Variants in GSS observed in about 807,000 individuals in gnomAD.
GSS encodes the protein glutathione synthetase, also known as GSH synthetase.
Under a neutral mutation model 60.4 loss-of-function variants are expected in GSS, and 34 were observed. The ratio of observed to expected loss-of-function variants is 0.56; its 90% CI spans 0.43 to 0.75. GSS has a LOEUF of 0.75. Among genes scored for constraint, GSS ranks in the 30% least tolerant of loss-of-function variants. GSS has a pLI of 0.00. For synonymous variants in GSS, 224 were observed against 239.0 expected, an observed-to-expected ratio of 0.94 and a Z score of 0.58; for missense variants, 499 against 595.1, an observed-to-expected ratio of 0.84 and a Z score of 1.68.
At chr20:34,937,891 CCT>C (rs2081452429) in intron 6 of GSS, among the ~76,000 whole-genome samples, 2 of 152,066 alleles carry the variant, frequency 1.3e-5, no homozygotes, top group South Asian at 2.1e-4. Context: ...GGAGTCTCCC[CCT>C]GTTGCCCAGG....
chr20:34,931,635 G>A, intron 10 of GSS: 1 of 642,366 alleles, frequency 1.6e-6, no homozygotes. Context: ...CAACAGCTCA[G>A]GGCTCTGCAG....
At chr20:34,944,683 A>C (rs1166232752) in intron 3 of GSS, among the ~76,000 whole-genome samples, 1 of 152,192 alleles carries the variant, frequency 6.6e-6, no homozygotes, top group Non-Finnish European at 1.5e-5. Context: ...TGGGGATGGG[A>C]CTCAAGTCTA....
In GSS at chr20:34,929,476, C is replaced by A. The variant is rs755714020; in HGVS notation, c.1226G>T (p.Cys409Phe). 8 of 1,614,166 alleles carry A rather than the reference C, an allele frequency of 5.0e-6. No individual in the cohort carries two copies. In the Middle Eastern group the frequency reaches 8.2e-4, roughly 166 times the overall value. ...EKIEPEPFEN[C>F]LLRPGSPARV... ...GGCAGGGCTGCCAGGCCGTAGCAGGCAATTCTCAAAAGGCTCAGGTTCGAT... is the reference window on the plus strand; with the variant it reads ...GGCAGGGCTGCCAGGCCGTAGCAGGAAATTCTCAAAAGGCTCAGGTTCGAT... Residue 409 changes from cysteine to phenylalanine, a missense_variant, in exon 12 of 13, where the codon TGC becomes TTC. Coordinates refer to ENST00000651619, the MANE Select transcript of GSS (RefSeq NM_000178.4).
intron 4 of GSS, 94 bp downstream of exon 4, chr20:34,942,837 C>T (rs768200039): frequency 4.0e-6 from 4 of 991,836 alleles, no homozygotes; most frequent in African/African-American, 1.6e-5. Flanking sequence ...TTCCCATGAG[C>T]TGAGGGCCTG....
chr20:34,945,873 G>T, intron 3 of GSS, 80 bp downstream of exon 3: 3 of 1,469,166 alleles, frequency 2.0e-6, no homozygotes, highest in Non-Finnish European at 2.9e-6. Context: ...AGCTGACACA[G>T]TAACACCTCA....
At chr20:34,932,157 GA>G (rs1569009667) in intron 9 of GSS, 24 bp from the exon 10 acceptor site, 1 of 1,587,572 alleles carries the variant, frequency 6.3e-7, no homozygotes, top group Admixed American at 1.7e-5. Flanking sequence ...AAGACAAAAG[GA>G]ATTCGACTTT....
intron 2 of GSS, among the ~76,000 whole-genome samples, chr20:34,948,602 G>T (rs1426648952): frequency 6.6e-6 from 1 of 152,044 alleles, no homozygotes; most frequent in East Asian, 1.9e-4. Flanking sequence ...TGGCCAACAT[G>T]GTGAAACCCC....
chr20:34,945,083 T>C (rs6060121), intron 3 of GSS, among the ~76,000 whole-genome samples: 97 of 151,818 alleles, frequency 6.4e-4, no homozygotes, highest in African/African-American at 2.2e-3. Flanking sequence ...TACAGTGTCG[T>C]GATCTTGGCT....
chr20:34,929,613 C>T, intron 11 of GSS, 23 bp from the exon 12 acceptor site: 1 of 1,605,124 alleles, frequency 6.2e-7, no homozygotes, highest in South Asian at 1.1e-5. Flanking sequence ...TGGCCAGTCA[C>T]CCTGGACCCT....
At chr20:34,949,348 T>A (rs935244021) in intron 2 of GSS, 2 of 152,076 alleles carry the variant, frequency 1.3e-5, no homozygotes, top group African/African-American at 4.8e-5. Context: ...GCCCCGCGGC[T>A]GTCTGACGCT....
At chr20:34,930,167 G>A (rs2081389517) in intron 11 of GSS, among the ~76,000 whole-genome samples, 1 of 151,744 alleles carries the variant, frequency 6.6e-6, no homozygotes, top group Non-Finnish European at 1.5e-5. Flanking sequence ...TCAGGAGGCT[G>A]AGGCAGGAGA....
rs919208415 is a variant in GSS at position 34,942,919 on chromosome 20, G to A, written c.351+12C>T. ...ACAGGTTACAGACTGGAGTAGGGCT[G>A]GGAATGGTTACCTGGGCAATGCCCT... On this transcript the variant is annotated intron_variant, in intron 4 of 12. Transcript: ENST00000651619. 4.5e-6 allele frequency: 7 copies of A among 1,567,804 alleles called. No individual in the cohort carries two copies. The highest frequency in any genetic ancestry group is 6.1e-6 in the Non-Finnish European group (7 of 1,140,058).
At chr20:34,929,770 T>C (rs868658773) in intron 11 of GSS, among the ~76,000 whole-genome samples, 180 bp from the exon 12 acceptor site, 9 of 152,176 alleles carry the variant, frequency 5.9e-5, no homozygotes, top group African/African-American at 1.9e-4. Flanking sequence ...CCCTTACTCA[T>C]GCAGTGAACA....
chr20:34,947,817 T>C (rs2081534552), intron 2 of GSS, among the ~76,000 whole-genome samples: 1 of 152,156 alleles, frequency 6.6e-6, no homozygotes, highest in Non-Finnish European at 1.5e-5. Context: ...TATCCTAGAA[T>C]ATACATTCTA....
intron 6 of GSS, among the ~76,000 whole-genome samples, chr20:34,938,292 ATC>A (rs946216526): frequency 6.6e-5 from 10 of 152,086 alleles, no homozygotes; most frequent in African/African-American, 2.2e-4. Context: ...TCTCTTGTCT[ATC>A]TCTGCTTCTC....
At chr20:34,937,954 T>C (rs753342705) in intron 6 of GSS, among the ~76,000 whole-genome samples, 6 of 152,106 alleles carry the variant, frequency 3.9e-5, no homozygotes, top group Non-Finnish European at 8.8e-5. Flanking sequence ...ACCCCCTGGG[T>C]TCCAGCGATT....
At chr20:34,951,943 A>C in intron 1 of GSS, 83 bp from the exon 2 acceptor site, 2 of 1,385,372 alleles carry the variant, frequency 1.4e-6, no homozygotes, top group Non-Finnish European at 2.0e-6. Context: ...GCCACCCCCA[A>C]CACAGCAGGA....
intron 12 of GSS, 144 bp from the exon 13 acceptor site, chr20:34,929,095 G>A (rs559045580): frequency 3.1e-5 from 30 of 972,802 alleles, no homozygotes; most frequent in Non-Finnish European, 4.4e-5. Flanking sequence ...CCTCTCTGGA[G>A]TCTCCTTCTA....
intron 2 of GSS, chr20:34,949,813 G>C (rs756826480): frequency 6.6e-6 from 1 of 152,096 alleles, no homozygotes; most frequent in Non-Finnish European, 1.5e-5. Context: ...AGTTAACTTT[G>C]TGTAGCAGAC....
Sources: allele counts gnomAD v4.1 joint callset (sites outside exome capture counted in the v4.1 genomes callset), GRCh38; gene constraint gnomAD v4.1.1; transcripts MANE v1.5; gene names NCBI Gene and HGNC (gene_info 2026-07-23, HGNC 2026-07-21).